Variants in IL1RAPL2 observed in about 807,000 individuals in gnomAD.
IL1RAPL2 encodes the protein X-linked interleukin-1 receptor accessory protein-like 2.
In IL1RAPL2, 3 loss-of-function variants were observed where a neutral mutation model predicts 44.1. That is an observed-to-expected ratio of 0.07 (90% CI 0.03 to 0.18). The LOEUF is 0.18. Ranked by LOEUF, IL1RAPL2 falls within the 10% of genes least tolerant of loss-of-function variation. The pLI is 1.00. For missense variants in IL1RAPL2, 391 were observed against 496.4 expected, an observed-to-expected ratio of 0.79 and a Z score of 2.02; for synonymous variants, 181 against 178.8, an observed-to-expected ratio of 1.01 and a Z score of -0.10.
intron 2 of IL1RAPL2, among the ~76,000 whole-genome samples, chrX:104,730,711 G>C (rs1229031164): frequency 2.8e-5 from 3 of 108,118 alleles, no homozygotes; most frequent in Non-Finnish European, 5.8e-5. Flanking sequence ...ATAGCAGCAT[G>C]ATTTATAGTC....
chrX:105,458,559 A>G (rs905850626), intron 5 of IL1RAPL2, among the ~76,000 whole-genome samples: 2 of 111,825 alleles, frequency 1.8e-5, no homozygotes, highest in East Asian at 5.6e-4. Flanking sequence ...AAATCTTCTA[A>G]GGTCTCTTCT....
At chrX:104,942,081 CA>C (rs1269849726) in intron 2 of IL1RAPL2, among the ~76,000 whole-genome samples, 2 of 111,813 alleles carry the variant, frequency 1.8e-5, no homozygotes, top group Non-Finnish European at 3.8e-5. Flanking sequence ...GTACCAGTAC[CA>C]TGCTGTTTTG....
intron 6 of IL1RAPL2, among the ~76,000 whole-genome samples, chrX:105,671,371 C>T (rs210560): frequency 0.48 from 52,867 of 111,145 alleles, 10,595 homozygotes; most frequent in African/African-American, 0.79. Flanking sequence ...CTAGGAGTTG[C>T]TTTTTATTTT....
intron 1 of IL1RAPL2, among the ~76,000 whole-genome samples, chrX:104,625,032 C>T (rs1030719509): frequency 2.7e-5 from 3 of 111,768 alleles, no homozygotes; most frequent in Non-Finnish European, 5.7e-5. Context: ...AGGCATTACT[C>T]TTGTGTTTAA....
chrX:105,605,861 T>C (rs1303093763), intron 6 of IL1RAPL2, among the ~76,000 whole-genome samples: 1 of 111,562 alleles, frequency 9.0e-6, no homozygotes, highest in Non-Finnish European at 1.9e-5. Context: ...AGACAGTCTC[T>C]TCAATAAATG....
At chrX:104,742,466 T>G (rs1324724994) in intron 2 of IL1RAPL2, among the ~76,000 whole-genome samples, 1 of 111,660 alleles carries the variant, frequency 9.0e-6, no homozygotes, top group East Asian at 2.8e-4. Context: ...AGGGTGAGGC[T>G]CTCAGTCTTT....
rs1382536592 is a variant in IL1RAPL2, at chrX:105,302,808, A to G, written c.697+35267A>G. 1.2e-4 allele frequency among the ~76,000 whole-genome samples: 13 copies of G among 111,961 alleles called. No homozygotes were observed. The Admixed American group carries it at 1.2e-3, about 11-fold the overall frequency. On this transcript the variant is annotated intron_variant, in intron 5 of 10. Transcript: ENST00000372582. ...CTGGCTGTAAGCTCAGCACAGAACC[A>G]GGACTTGCCCAGGAATTGCAGTCCT...
At chrX:105,131,742 A>G (rs773224135) in intron 2 of IL1RAPL2, among the ~76,000 whole-genome samples, 2 of 111,512 alleles carry the variant, frequency 1.8e-5, no homozygotes, top group African/African-American at 6.5e-5. Flanking sequence ...GTGGCATTGC[A>G]TGAATTTTGT....
chrX:105,551,975 G>A (rs2036860384), intron 6 of IL1RAPL2, among the ~76,000 whole-genome samples: 1 of 110,179 alleles, frequency 9.1e-6, no homozygotes, highest in Non-Finnish European at 1.9e-5. Flanking sequence ...GCGTGGTGGC[G>A]GGCGCCTGCA....
At chrX:104,865,450 A>G (rs1050388209) in intron 2 of IL1RAPL2, among the ~76,000 whole-genome samples, 1 of 111,572 alleles carries the variant, frequency 9.0e-6, no homozygotes, top group Non-Finnish European at 1.9e-5. Flanking sequence ...CAAGTTGACA[A>G]GGGGTGAACT....
intron 2 of IL1RAPL2, among the ~76,000 whole-genome samples, chrX:104,827,056 C>T (rs772747317): frequency 6.6e-4 from 70 of 105,477 alleles, no homozygotes; most frequent in African/African-American, 2.0e-3. Context: ...TACAGCACAC[C>T]GATTGGTCTT....
chrX:105,497,824 C>A (rs2036366526), intron 6 of IL1RAPL2, among the ~76,000 whole-genome samples: 1 of 111,987 alleles, frequency 8.9e-6, no homozygotes, highest in East Asian at 2.8e-4. Context: ...AGATAAAAAT[C>A]TTTAGAACAC....
At chrX:104,989,632 A>T (rs2030624457) in intron 2 of IL1RAPL2, among the ~76,000 whole-genome samples, 1 of 111,484 alleles carries the variant, frequency 9.0e-6, no homozygotes, top group South Asian at 3.7e-4. Flanking sequence ...TGAACATATG[A>T]CTATATTCCT....
chrX:105,579,198 T>C (rs145393434), intron 6 of IL1RAPL2, among the ~76,000 whole-genome samples: 1,883 of 111,851 alleles, frequency 0.017, 33 homozygotes, highest in African/African-American at 0.058. Flanking sequence ...GACTTTAGTT[T>C]CACTTTCAAG....
chrX:105,439,683 A>G (rs1404007279), intron 5 of IL1RAPL2, among the ~76,000 whole-genome samples: 2 of 111,666 alleles, frequency 1.8e-5, no homozygotes, highest in Non-Finnish European at 3.8e-5. Context: ...AACACATTGC[A>G]CTGCATGGGA....
intron 2 of IL1RAPL2, among the ~76,000 whole-genome samples, chrX:104,932,968 C>A: frequency 9.0e-6 from 1 of 111,535 alleles, no homozygotes; most frequent in Non-Finnish European, 1.9e-5. Context: ...TGAATTTCCA[C>A]TAAAGTATCT....
At chrX:105,612,780 A>G (rs545900358) in intron 6 of IL1RAPL2, among the ~76,000 whole-genome samples, 43 of 112,002 alleles carry the variant, frequency 3.8e-4, no homozygotes, top group African/African-American at 1.3e-3. Context: ...ATGCCCTCCC[A>G]TGGAGGGAAC....
At chrX:104,790,499 C>T (rs1932820054) in intron 2 of IL1RAPL2, among the ~76,000 whole-genome samples, 2 of 111,326 alleles carry the variant, frequency 1.8e-5, no homozygotes, top group South Asian at 7.6e-4. Context: ...TGGGTTCTGC[C>T]ATTTTCTCCC....
At chrX:104,966,079 A>G (rs2030116286) in intron 2 of IL1RAPL2, among the ~76,000 whole-genome samples, 1 of 111,249 alleles carries the variant, frequency 9.0e-6, no homozygotes, top group African/African-American at 3.3e-5. Flanking sequence ...GGAAAAATAA[A>G]TCATCACCTA....
Sources: allele counts gnomAD v4.1 joint callset (sites outside exome capture counted in the v4.1 genomes callset), GRCh38; gene constraint gnomAD v4.1.1; transcripts MANE v1.5; gene names NCBI Gene and HGNC (gene_info 2026-07-23, HGNC 2026-07-21).